The following PRR16 variants were observed in gnomAD, a reference collection of about 807,000 sequenced individuals.
PRR16 encodes protein Largen.
Under a neutral mutation model 18.2 loss-of-function variants are expected in PRR16, and 6 were observed. That is an observed-to-expected ratio of 0.33 (90% CI 0.18 to 0.65). The LOEUF (loss-of-function observed/expected upper bound fraction) is 0.65, where lower values mean the gene tolerates loss of function less well. Among genes scored for constraint, PRR16 ranks in the 30% least tolerant of loss-of-function variants. The pLI is 0.74. For synonymous variants in PRR16, 151 were observed against 147.8 expected (o/e 1.02, Z -0.16); for missense variants, 412 against 376.6 (o/e 1.09, Z -0.78).
intron 1 of PRR16, among the ~76,000 whole-genome samples, chr5:120,478,900 C>A (rs1303643167): frequency 1.3e-5 from 2 of 151,748 alleles, no homozygotes; most frequent in East Asian, 1.9e-4. Context: ...TTTAAATTAA[C>A]TGGAAAATGA....
At chr5:120,663,588 A>G (rs1042355725) in intron 1 of PRR16, among the ~76,000 whole-genome samples, 1 of 152,176 alleles carries the variant, frequency 6.6e-6, no homozygotes, top group African/African-American at 2.4e-5. Flanking sequence ...TCATCATGCC[A>G]TCTTAAGTAG....
intron 1 of PRR16, among the ~76,000 whole-genome samples, chr5:120,584,654 G>A (rs1753381202): frequency 6.6e-6 from 1 of 152,070 alleles, no homozygotes; most frequent in African/African-American, 2.4e-5. Flanking sequence ...AATGGACTAA[G>A]AGATATTTTG....
the PRR16 span, among the ~76,000 whole-genome samples, chr5:120,696,536 C>T: frequency 2.0e-5 from 3 of 152,286 alleles, no homozygotes; most frequent in South Asian, 4.1e-4. Flanking sequence ...TTATTGACCT[C>T]TTAATAGGCT....
At chr5:120,788,596 C>G in the PRR16 span, among the ~76,000 whole-genome samples, 2 of 152,026 alleles carry the variant, frequency 1.3e-5, no homozygotes, top group South Asian at 2.1e-4. Flanking sequence ...AAAAATGGCA[C>G]CAATAGAGGC....
chr5:120,653,435 T>A (rs1266188711), intron 1 of PRR16, among the ~76,000 whole-genome samples: 1 of 152,038 alleles, frequency 6.6e-6, no homozygotes. Flanking sequence ...AACCCATAAG[T>A]ATAATAATAA....
chr5:120,551,443 C>A (rs1271531146), intron 1 of PRR16, among the ~76,000 whole-genome samples: 2 of 151,982 alleles, frequency 1.3e-5, no homozygotes, highest in Non-Finnish European at 2.9e-5. Context: ...ATTTCACTTG[C>A]CGCTTCATCG....
chr5:120,771,458 A>T, the PRR16 span, among the ~76,000 whole-genome samples: 1 of 152,096 alleles, frequency 6.6e-6, no homozygotes, highest in Non-Finnish European at 1.5e-5. Context: ...TTACATCATC[A>T]TCCCTTTAGT....
chr5:120,566,296 G>A (rs1752735739), intron 1 of PRR16, among the ~76,000 whole-genome samples: 2 of 152,122 alleles, frequency 1.3e-5, no homozygotes, highest in African/African-American at 2.4e-5. Context: ...CCAGAACTGT[G>A]AGCCAAATAC....
intron 1 of PRR16, among the ~76,000 whole-genome samples, chr5:120,485,377 A>G (rs968383127): frequency 6.6e-6 from 1 of 152,202 alleles, no homozygotes; most frequent in African/African-American, 2.4e-5. Context: ...AATATTATAA[A>G]AAGACCATAT....
intron 1 of PRR16, among the ~76,000 whole-genome samples, chr5:120,561,511 T>C (rs1179147131): frequency 6.6e-6 from 1 of 152,200 alleles, no homozygotes; most frequent in Admixed American, 6.5e-5. Flanking sequence ...TTGAATATTT[T>C]AAGAACTTGT....
At chr5:120,765,398 A>T in the PRR16 span, among the ~76,000 whole-genome samples, 2 of 152,052 alleles carry the variant, frequency 1.3e-5, no homozygotes, top group African/African-American at 4.8e-5. Flanking sequence ...CAGTGGTGAA[A>T]AGCTGTTTAG....
At chr5:120,522,146 C>T (rs1751203947) in intron 1 of PRR16, among the ~76,000 whole-genome samples, 1 of 152,160 alleles carries the variant, frequency 6.6e-6, no homozygotes, top group Non-Finnish European at 1.5e-5. Flanking sequence ...GTGCATGTGT[C>T]TTTATAGCAG....
intron 1 of PRR16, among the ~76,000 whole-genome samples, chr5:120,498,527 GCCATACTTTCTTTTTCAA>G (rs1258241557): frequency 6.6e-6 from 1 of 151,616 alleles, no homozygotes; most frequent in Non-Finnish European, 1.5e-5. Context: ...ATCAGACAGT[GCCATACTTTCTTTTTCAA>G]CCATTAAACA....
chr5:120,487,473 C>T lies in PRR16; in HGVS notation c.159+22828C>T, dbSNP rs576983521. ...TGTCTGTTATTGGTGTATAAGAATG[C>T]TTGTGATTTTTGCACATTGATTTTC... On this transcript the variant is annotated intron_variant, in intron 1 of 1. Transcript: ENST00000407149. 6.6e-5 allele frequency among the ~76,000 whole-genome samples: 10 copies of T among 152,250 alleles called. No individual in the cohort carries two copies. In the South Asian group the frequency reaches 2.1e-3, roughly 32 times the overall value.
the PRR16 span, among the ~76,000 whole-genome samples, chr5:120,711,347 C>T: frequency 2.6e-5 from 4 of 152,222 alleles, no homozygotes; most frequent in African/African-American, 4.8e-5. Flanking sequence ...ATTATAGACT[C>T]AGTGTAGAGT....
chr5:120,710,343 T>C, the PRR16 span, among the ~76,000 whole-genome samples: 27 of 152,124 alleles, frequency 1.8e-4, no homozygotes, highest in African/African-American at 6.5e-4. Flanking sequence ...GGGGAGGATC[T>C]CGAAGTTGTT....
intron 1 of PRR16, among the ~76,000 whole-genome samples, chr5:120,496,266 T>C: frequency 6.6e-6 from 1 of 151,908 alleles, no homozygotes; most frequent in Non-Finnish European, 1.5e-5. Flanking sequence ...CTAGAAAATA[T>C]TGTATAAAAT....
chr5:120,774,059 T>A, the PRR16 span, among the ~76,000 whole-genome samples: 1 of 111,882 alleles, frequency 8.9e-6, no homozygotes, highest in Non-Finnish European at 1.8e-5. Flanking sequence ...TTATAATGTT[T>A]TATTTTTGAG....
At chr5:120,521,246 G>GT (rs569579802) in intron 1 of PRR16, among the ~76,000 whole-genome samples, 1 of 151,884 alleles carries the variant, frequency 6.6e-6, no homozygotes, top group Admixed American at 6.6e-5. Flanking sequence ...TTTTGTGTGT[G>GT]TTTTTTTTTA....
Sources: gnomAD v4.1 joint callset for allele counts (sites outside exome capture counted in the v4.1 genomes callset) on GRCh38, gnomAD v4.1.1 for gene constraint, MANE v1.5 for transcripts, NCBI Gene and HGNC (gene_info 2026-07-23, HGNC 2026-07-21) for gene names.